THSD7A: variants seen among roughly 807,000 people sequenced by gnomAD.
THSD7A encodes the protein thrombospondin type 1 domain containing 7A.
A neutral mutation model predicts 231.3 loss-of-function variants in THSD7A; 96 were observed. The ratio of observed to expected loss-of-function variants is 0.41; its 90% CI spans 0.35 to 0.49. The LOEUF is 0.49. Among genes scored for constraint, THSD7A ranks in the 20% least tolerant of loss-of-function variants. The pLI is 0.05. For synonymous variants in THSD7A, 940 were observed against 743.3 expected, an observed-to-expected ratio of 1.26 and a Z score of -4.30; for missense variants, 2,290 against 2,070.2, an observed-to-expected ratio of 1.11 and a Z score of -2.06.
Position 11,814,716 on chromosome 7 carries a change from A to G in THSD7A, c.190+17041T>C, listed in dbSNP as rs1347326879. On this transcript the variant is annotated intron_variant, in intron 1 of 27. Coordinates refer to ENST00000423059, the MANE Select transcript of THSD7A (RefSeq NM_015204.3). The surrounding 1 kb of genome is among the most constrained non-coding windows in gnomAD (Gnocchi z 5.1). ...ATATTGCAGTAAGAGACAGGGAGAG[A>G]AATGTATCTTAGCAGCAGTCAAAGC... Among the ~76,000 whole-genome samples, 1 of 152,158 alleles carries G rather than the reference A, an allele frequency of 6.6e-6. No homozygotes were observed. Among genetic ancestry groups the G allele is most frequent in the Non-Finnish European group, 1.5e-5 (1 of 68,020 alleles).
rs190382689 is a variant in THSD7A at position 11,558,241 on chromosome 7, T to A, written c.1454-15124A>T. ...ACTTTCAAAGTCTTTTTATGGTTTG[T>A]TTTCTATACAACTTCCAGGGAATAT... On this transcript the variant is annotated intron_variant, in intron 4 of 27. Coordinates refer to ENST00000423059, the MANE Select transcript of THSD7A (RefSeq NM_015204.3). 2.0e-5 allele frequency among the ~76,000 whole-genome samples: 3 copies of A among 152,094 alleles called. No individual in the cohort carries two copies. In the East Asian group the frequency reaches 5.8e-4, roughly 29 times the overall value.
intron 24 of THSD7A, among the ~76,000 whole-genome samples, chr7:11,382,229 GA>G (rs1276582272): frequency 1.3e-5 from 2 of 152,044 alleles, no homozygotes; most frequent in Non-Finnish European, 2.9e-5. Context: ...AAAATTTCTA[GA>G]AAAGATCTGA....
intron 4 of THSD7A, among the ~76,000 whole-genome samples, chr7:11,561,222 CAT>C (rs1790063846): frequency 6.6e-6 from 1 of 152,114 alleles, no homozygotes; most frequent in Admixed American, 6.5e-5. Context: ...CAGGCACACA[CAT>C]ATGCATATTT....
At chr7:11,431,748 G>A (rs964791195) in intron 13 of THSD7A, among the ~76,000 whole-genome samples, 2 of 152,036 alleles carry the variant, frequency 1.3e-5, no homozygotes, top group South Asian at 2.1e-4. Flanking sequence ...GATTTTGATA[G>A]GAATTGTGTC....
chr7:11,539,203 G>T (rs50), intron 6 of THSD7A, among the ~76,000 whole-genome samples: 112,891 of 152,024 alleles, frequency 0.74, 43,278 homozygotes, highest in African/African-American at 0.94. Context: ...GGGAGCAGTA[G>T]TTACAAGTCT....
intron 4 of THSD7A, among the ~76,000 whole-genome samples, chr7:11,562,190 A>C (rs977879309): frequency 2.6e-5 from 4 of 152,190 alleles, no homozygotes; most frequent in African/African-American, 9.6e-5. Flanking sequence ...TTAAATATCT[A>C]ATCTTTCAAA....
At chr7:11,522,412 GTTATCT>G (rs1256620936) in intron 6 of THSD7A, among the ~76,000 whole-genome samples, 1 of 152,134 alleles carries the variant, frequency 6.6e-6, no homozygotes, top group African/African-American at 2.4e-5. Context: ...ATTTCCACAA[GTTATCT>G]TTCACATACT....
Position 11,636,817 on chromosome 7 carries a change from A to T in THSD7A, c.335T>A (p.Phe112Tyr), listed in dbSNP as rs1584122505. The T allele has an allele frequency of 1.9e-6, 3 of 1,613,968 alleles. No individual in the cohort carries two copies. In the South Asian group the frequency reaches 3.3e-5, roughly 18 times the overall value. The stretch of plus-strand genomic sequence containing the variant: ...CTCTTTGTGCCAATCGCAAACTTTG[A>T]AACAATTCTGCTGGTTATTGGGTCT... ...AERPNNQQNC[F>Y]KVCDWHKELY... Residue 112 changes from phenylalanine (F) to tyrosine (Y), a missense_variant, in exon 2 of 28, where the codon TTC (phenylalanine) becomes TAC (tyrosine). By Grantham distance (22) the Phe-to-Tyr change is conservative. Transcript: ENST00000423059. This position sits in a 1 kb window ranked among gnomAD's most constrained non-coding sequence, Gnocchi z 10.0.
chr7:11,563,992 G>A (rs1436749157), intron 4 of THSD7A, among the ~76,000 whole-genome samples: 1 of 152,028 alleles, frequency 6.6e-6, no homozygotes, highest in African/African-American at 2.4e-5. Context: ...TCATTGGAGC[G>A]GTCACTGTCT....
At chr7:11,488,359 T>C (rs1444673665) in intron 6 of THSD7A, among the ~76,000 whole-genome samples, 1 of 152,098 alleles carries the variant, frequency 6.6e-6, no homozygotes, top group Non-Finnish European at 1.5e-5. Flanking sequence ...TGCATGGACC[T>C]TTCTAGAAAA....
chr7:11,447,345 A>T lies in THSD7A; in HGVS notation c.2685T>A (p.Leu895=). 1 of 1,612,612 alleles carries T rather than the reference A, an allele frequency of 6.2e-7. No homozygotes were observed. The highest frequency in any genetic ancestry group is 8.5e-7 in the Non-Finnish European group (1 of 1,179,250). ...CLQYAGPVPA[L]TQACQIPCQD... ...GGCAGGGGATCTGGCAGGCCTGGGT[A>T]AGGGCTGGCACAGGGCCTGCATACT... The change falls in exon 12 of 28, where the codon CTT becomes CTA. Residue 895 remains leucine (L), a synonymous_variant. Transcript: ENST00000423059.
chr7:11,521,460 CTT>C (rs1247337436), intron 6 of THSD7A, among the ~76,000 whole-genome samples: 2 of 143,604 alleles, frequency 1.4e-5, no homozygotes, highest in East Asian at 4.0e-4. Flanking sequence ...GGGCCACATT[CTT>C]TTTTATTTTT....
intron 1 of THSD7A, among the ~76,000 whole-genome samples, chr7:11,829,813 A>AT (rs1419782217): frequency 6.6e-6 from 1 of 152,134 alleles, no homozygotes; most frequent in Non-Finnish European, 1.5e-5. Context: ...AAAAAAAAAA[A>AT]AATAAAGAAG....
intron 1 of THSD7A, among the ~76,000 whole-genome samples, chr7:11,790,175 T>A (rs1783907981): frequency 6.6e-6 from 1 of 151,822 alleles, no homozygotes; most frequent in Non-Finnish European, 1.5e-5. Flanking sequence ...GTGTTGAAAA[T>A]CAAATTAAGT....
intron 1 of THSD7A, among the ~76,000 whole-genome samples, chr7:11,667,939 C>G (rs753815399): frequency 3.3e-5 from 5 of 152,124 alleles, no homozygotes; most frequent in Non-Finnish European, 5.9e-5. Flanking sequence ...GCAAAGTGTA[C>G]TCTTTTAGAA....
intron 1 of THSD7A, among the ~76,000 whole-genome samples, chr7:11,784,485 C>A (rs1162550128): frequency 1.3e-5 from 2 of 151,748 alleles, no homozygotes; most frequent in African/African-American, 4.8e-5. Flanking sequence ...CTTTTTGCTG[C>A]ATTAAACTTA....
At chr7:11,401,034 A>C (rs940792718) in intron 23 of THSD7A, among the ~76,000 whole-genome samples, 6 of 152,210 alleles carry the variant, frequency 3.9e-5, no homozygotes, top group Non-Finnish European at 2.9e-5. Flanking sequence ...ACATATAAAC[A>C]TAGATGTTTA....
chr7:11,663,056 A>G (rs1782990990), intron 1 of THSD7A, among the ~76,000 whole-genome samples: 1 of 150,576 alleles, frequency 6.6e-6, no homozygotes, highest in South Asian at 2.1e-4. Context: ...GAGAAATACT[A>G]AGAGTAAAAA....
rs999789383 is a variant in THSD7A at position 11,831,683 on chromosome 7, C to T, written c.190+74G>A. On this transcript the variant is annotated intron_variant, in intron 1 of 27. Transcript: ENST00000423059. This position sits in a 1 kb window ranked among gnomAD's most constrained non-coding sequence, Gnocchi z 5.0. Reference sequence around the variant, plus strand: ...AAGCCATCCAAAAGCACCGGGGTCCCTACAGAAGCCCACCAGCTCCTTAAT... The same window carrying T: ...AAGCCATCCAAAAGCACCGGGGTCCTTACAGAAGCCCACCAGCTCCTTAAT... The T allele has an allele frequency of 7.6e-6, 9 of 1,179,932 alleles. No individual in the cohort carries two copies. In the African/African-American group the frequency reaches 1.1e-4, roughly 15 times the overall value. The allele number at this position is 1,179,932 out of a possible 1,614,324, so 73.1% of individuals were successfully genotyped here.
Sources: allele counts gnomAD v4.1 joint callset (sites outside exome capture counted in the v4.1 genomes callset), GRCh38; gene constraint gnomAD v4.1.1; non-coding constraint Gnocchi (gnomAD v3.1); transcripts MANE v1.5; gene names NCBI Gene and HGNC (gene_info 2026-07-23, HGNC 2026-07-21).